RBM26: variants seen among roughly 807,000 people sequenced by gnomAD.
RBM26 encodes RNA-binding protein 26.
RBM26 carries 30 observed loss-of-function variants against 123.6 expected under a neutral mutation model. The ratio of observed to expected loss-of-function variants is 0.24; its 90% CI spans 0.18 to 0.33. The LOEUF is 0.33. Ranked by LOEUF, RBM26 falls within the 10% of genes least tolerant of loss-of-function variation. The probability of loss-of-function intolerance (pLI) is 1.00; values close to 1 mark genes in which losing one functional copy is unlikely to be tolerated. For synonymous variants in RBM26, 400 were observed against 404.4 expected, an observed-to-expected ratio of 0.99 and a Z score of 0.13; for missense variants, 947 against 1,203.6, an observed-to-expected ratio of 0.79 and a Z score of 3.15.
intron 1 of RBM26, among the ~76,000 whole-genome samples, chr13:79,386,616 T>G (rs1366347360): frequency 1.4e-5 from 1 of 72,210 alleles, no homozygotes; most frequent in African/African-American, 4.3e-5. Flanking sequence ...AAAAAAGGTG[T>G]ATCTGCAATA....
At chr13:79,388,961 C>T (rs138196369) in intron 1 of RBM26, among the ~76,000 whole-genome samples, 114 of 152,174 alleles carry the variant, frequency 7.5e-4, no homozygotes, top group Middle Eastern at 3.4e-3. Context: ...AATAAACGAC[C>T]GGCTGAAGTA....
intron 20 of RBM26, among the ~76,000 whole-genome samples, chr13:79,326,044 T>C (rs2068361576): frequency 6.6e-6 from 1 of 152,172 alleles, no homozygotes; most frequent in African/African-American, 2.4e-5. Flanking sequence ...CCATAGAGTG[T>C]AGGTGTGTAG....
intron 1 of RBM26, among the ~76,000 whole-genome samples, chr13:79,403,186 A>G (rs886352261): frequency 1.3e-5 from 2 of 152,166 alleles, no homozygotes; most frequent in African/African-American, 4.8e-5. Context: ...CAGCTTTTAT[A>G]AGTCATCATA....
chr13:79,317,343 T>C (rs556894496), downstream of RBM26, among the ~76,000 whole-genome samples: 2 of 151,754 alleles, frequency 1.3e-5, 1 homozygote, highest in Admixed American at 1.3e-4. Flanking sequence ...TTAAATTGTT[T>C]TGTCTCAAAC....
intron 9 of RBM26, among the ~76,000 whole-genome samples, 178 bp downstream of exon 9, chr13:79,365,400 G>A (rs188673878): frequency 1.4e-3 from 217 of 152,190 alleles, no homozygotes; most frequent in African/African-American, 5.1e-3. Flanking sequence ...CTGAGATCAC[G>A]CTACTGCACT....
chr13:79,320,106 T>C lies in RBM26; in HGVS notation c.*515A>G. On this transcript the variant is annotated 3_prime_UTR_variant, in exon 22 of 22. Coordinates refer to ENST00000438737, the MANE Select transcript of RBM26 (RefSeq NM_001366735.2). ...ATTAAAACCCATATGGTAAAATACATACACAGTCCAACAAAAGGCTAATAC... is the reference window on the plus strand; with the variant it reads ...ATTAAAACCCATATGGTAAAATACACACACAGTCCAACAAAAGGCTAATAC... 2.1e-6 allele frequency: 2 copies of C among 973,938 alleles called. No homozygotes were observed. The highest frequency in any genetic ancestry group is 9.5e-5 in the South Asian group (2 of 21,092). The allele number at this position is 973,938 out of a possible 1,614,324, so 60.3% of individuals were successfully genotyped here. A position where few individuals can be genotyped will look rare whatever the true frequency, so the allele number is the denominator to read the frequency against.
rs1191122900 is a variant in RBM26, at chr13:79,320,592, T to C, written c.*29A>G. 6 of 1,548,146 alleles carry C rather than the reference T, an allele frequency of 3.9e-6. No individual in the cohort carries two copies. Among genetic ancestry groups the C allele is most frequent in the African/African-American group, 1.4e-5 (1 of 71,538 alleles). The stretch of plus-strand genomic sequence containing the variant: ...TACTAATGAAACACAGGTAGAGTTC[T>C]AGCATATGCAGATCAATGATCAGTC... On this transcript the variant is annotated 3_prime_UTR_variant, in exon 22 of 22. Transcript: ENST00000438737.
intron 6 of RBM26, among the ~76,000 whole-genome samples, chr13:79,368,036 T>TA (rs58725396): frequency 0.52 from 76,554 of 147,788 alleles, 19,939 homozygotes; most frequent in Middle Eastern, 0.61. Context: ...TTTATTTTTA[T>TA]TTTTTTTGAG....
At chr13:79,372,269 A>C (rs2075973979) in intron 3 of RBM26, among the ~76,000 whole-genome samples, 1 of 152,222 alleles carries the variant, frequency 6.6e-6, no homozygotes, top group African/African-American at 2.4e-5. Context: ...CGACAGAGTG[A>C]GGCTCTGCCT....
intron 11 of RBM26, 38 bp downstream of exon 11, chr13:79,358,236 A>C (rs2074264174): frequency 6.6e-7 from 1 of 1,517,152 alleles, no homozygotes; most frequent in African/African-American, 1.4e-5. Context: ...TTCCCTAAAC[A>C]GAAAGAAGAG....
intron 2 of RBM26, among the ~76,000 whole-genome samples, chr13:79,377,987 TGCCATG>T (rs2076787076): frequency 6.6e-6 from 1 of 151,894 alleles, no homozygotes; most frequent in Non-Finnish European, 1.5e-5. Flanking sequence ...CCAACCAGTG[TGCCATG>T]GCACAAGTCC....
rs1157022948 is a variant in RBM26, at chr13:79,320,193, A to G, written c.*428T>C. On this transcript the variant is annotated 3_prime_UTR_variant, in exon 22 of 22. Coordinates refer to ENST00000438737, the MANE Select transcript of RBM26 (RefSeq NM_001366735.2). ...AATACATAACTTGGAGACTTTAGTT[A>G]GAGTACTATGTTATCTATTCAGTTT... is the stretch of plus-strand genomic sequence containing the variant. 2.1e-6 allele frequency: 2 copies of G among 950,730 alleles called. No individual in the cohort carries two copies. The highest frequency in any genetic ancestry group is 2.5e-6 in the Non-Finnish European group (2 of 797,894). 58.9% of individuals were successfully genotyped at this position (950,730 alleles called of 1,614,324 possible). A position where few individuals can be genotyped will look rare whatever the true frequency, so the allele number is the denominator to read the frequency against.
downstream of RBM26, among the ~76,000 whole-genome samples, chr13:79,317,620 G>A (rs1301623719): frequency 2.0e-5 from 3 of 151,716 alleles, no homozygotes; most frequent in Non-Finnish European, 4.4e-5. Flanking sequence ...TACACTGACA[G>A]AAACCAAAAG....
chr13:79,369,736 C>T (rs892325482), intron 5 of RBM26, among the ~76,000 whole-genome samples: 4 of 152,126 alleles, frequency 2.6e-5, no homozygotes, highest in Admixed American at 6.5e-5. Context: ...GGGAATGACA[C>T]GCTCTTGCAA....
At chr13:79,353,075 GAAAAA>G in intron 14 of RBM26, 73 bp downstream of exon 14, 1 of 819,300 alleles carries the variant, frequency 1.2e-6, no homozygotes, top group Non-Finnish European at 1.9e-6. Context: ...TTAGAACTAT[GAAAAA>G]AAATTAAAAA....
chr13:79,336,275 A>G (rs545132029), intron 19 of RBM26, among the ~76,000 whole-genome samples: 2 of 152,274 alleles, frequency 1.3e-5, no homozygotes, highest in East Asian at 1.9e-4. Context: ...CTAAGTTACT[A>G]AAGTATTTAT....
At chr13:79,378,742 A>C in intron 2 of RBM26, 47 bp downstream of exon 2, 1 of 1,227,542 alleles carries the variant, frequency 8.1e-7, no homozygotes, top group Non-Finnish European at 1.2e-6. Context: ...GCCAAGCCTT[A>C]AATAACTTTT....
chr13:79,385,281 T>C (rs1190708550), intron 1 of RBM26, among the ~76,000 whole-genome samples: 3 of 152,152 alleles, frequency 2.0e-5, no homozygotes, highest in African/African-American at 7.2e-5. Flanking sequence ...AAAGCAAAAA[T>C]AGATTACTTA....
At chr13:79,395,069 C>CA (rs368288327) in intron 1 of RBM26, among the ~76,000 whole-genome samples, 41 of 151,710 alleles carry the variant, frequency 2.7e-4, no homozygotes, top group Middle Eastern at 6.8e-3. Flanking sequence ...AGTGGCCTAA[C>CA]AAAAAAAAGG....
Sources: allele counts gnomAD v4.1 joint callset (sites outside exome capture counted in the v4.1 genomes callset), GRCh38; gene constraint gnomAD v4.1.1; transcripts MANE v1.5; gene names NCBI Gene and HGNC (gene_info 2026-07-23, HGNC 2026-07-21).